HELZ: variants seen among roughly 807,000 people sequenced by gnomAD.
HELZ encodes helicase with zinc finger, also known as ATP-dependent RNA helicase with zinc finger domain.
In HELZ, 23 loss-of-function variants were observed where a neutral mutation model predicts 218.2. That is an observed-to-expected ratio of 0.11 (90% CI 0.08 to 0.15). The LOEUF (loss-of-function observed/expected upper bound fraction) is 0.15. Among genes scored for constraint, HELZ ranks in the 10% least tolerant of loss-of-function variants. The pLI, the probability that HELZ is intolerant of heterozygous loss-of-function variation, is 1.00. For missense variants in HELZ, 1,813 were observed against 2,353.7 expected (o/e 0.77, Z 4.75); for synonymous variants, 814 against 829.4 (o/e 0.98, Z 0.32).
intron 31 of HELZ, among the ~76,000 whole-genome samples, chr17:67,088,435 C>T (rs919464321): frequency 2.6e-5 from 4 of 152,184 alleles, no homozygotes; most frequent in Non-Finnish European, 5.9e-5. Context: ...CACAAGCAGA[C>T]ATTATCAAGC....
At chr17:67,190,483 G>A (rs996851237) in intron 9 of HELZ, 128 bp from the exon 10 acceptor site, 30 of 658,656 alleles carry the variant, frequency 4.6e-5, no homozygotes, top group South Asian at 4.2e-4. Flanking sequence ...CATATTTATC[G>A]TACTGTCTTG....
chr17:67,242,121 A>G (rs2041328225), intron 2 of HELZ, among the ~76,000 whole-genome samples: 1 of 152,250 alleles, frequency 6.6e-6, no homozygotes, highest in Non-Finnish European at 1.5e-5. Flanking sequence ...GTAGGCTTCA[A>G]GAAAAAAGAT....
chr17:67,199,210 CTTTTTTT>C (rs1156398239), intron 7 of HELZ, among the ~76,000 whole-genome samples: 2 of 122,982 alleles, frequency 1.6e-5, no homozygotes, highest in African/African-American at 3.0e-5. Context: ...TTTGCCATTA[CTTTTTTT>C]TTTTTTTTTT....
chr17:67,190,574 T>C (rs1456422544), intron 9 of HELZ, among the ~76,000 whole-genome samples: 1 of 152,216 alleles, frequency 6.6e-6, no homozygotes, highest in African/African-American at 2.4e-5. Context: ...TCACTGACTT[T>C]CTCTGGAATT....
At chr17:67,218,531 A>T in intron 4 of HELZ, 64 bp downstream of exon 4, 1 of 1,195,022 alleles carries the variant, frequency 8.4e-7, no homozygotes, top group Admixed American at 1.7e-5. Context: ...TTGTATCGTC[A>T]CCCCTCAATG....
chr17:67,173,018 G>A, intron 13 of HELZ: 1 of 978,394 alleles, frequency 1.0e-6, no homozygotes, highest in Non-Finnish European at 1.2e-6. Context: ...AGAGCAACAA[G>A]AGAATCCTCT....
chr17:67,132,913 C>G (rs2038030991), intron 23 of HELZ, among the ~76,000 whole-genome samples: 1 of 152,086 alleles, frequency 6.6e-6, no homozygotes, highest in South Asian at 2.1e-4. Flanking sequence ...GGAAAACAGT[C>G]CTAATGAACT....
At chr17:67,209,861 C>T (rs1378329328) in intron 5 of HELZ, among the ~76,000 whole-genome samples, 3 of 152,154 alleles carry the variant, frequency 2.0e-5, no homozygotes, top group African/African-American at 7.2e-5. Context: ...ATACTGTTAA[C>T]TCATTCACTA....
At chr17:67,086,631 AATATATATATATAT>A (rs71139116) in intron 32 of HELZ, among the ~76,000 whole-genome samples, 184 bp downstream of exon 32, 203 of 93,300 alleles carry the variant, frequency 2.2e-3, no homozygotes, top group South Asian at 8.5e-3. Flanking sequence ...TATAAATATA[AATATATATATATAT>A]ATATATATAT....
intron 5 of HELZ, among the ~76,000 whole-genome samples, chr17:67,203,871 A>G (rs2040231864): frequency 6.6e-6 from 1 of 152,250 alleles, no homozygotes; most frequent in South Asian, 2.1e-4. Flanking sequence ...CTAAGCAATT[A>G]AGAATTAGTC....
chr17:67,217,933 T>G (rs939966940), intron 4 of HELZ, among the ~76,000 whole-genome samples: 6 of 151,374 alleles, frequency 4.0e-5, no homozygotes, highest in South Asian at 2.1e-4. Context: ...TTTTGTTGTT[T>G]TTTTTTTTTT....
intron 3 of HELZ, among the ~76,000 whole-genome samples, chr17:67,232,168 G>C (rs1157850125): frequency 6.8e-6 from 1 of 147,878 alleles, no homozygotes; most frequent in African/African-American, 2.5e-5. Flanking sequence ...TTTCGAGATA[G>C]AGCCTCGCTC....
intron 13 of HELZ, 86 bp downstream of exon 13, chr17:67,178,573 C>T: frequency 9.0e-7 from 1 of 1,111,876 alleles, no homozygotes; most frequent in South Asian, 1.6e-5. Context: ...TACCTGTCTT[C>T]ACTTAGGCAC....
At chr17:67,241,947 A>AG (rs2041323628) in intron 2 of HELZ, among the ~76,000 whole-genome samples, 1 of 152,242 alleles carries the variant, frequency 6.6e-6, no homozygotes, top group Non-Finnish European at 1.5e-5. Context: ...AACACTTCAC[A>AG]GAGTCTACAT....
chr17:67,230,372 C>T (rs539153705), intron 3 of HELZ, among the ~76,000 whole-genome samples: 285 of 152,068 alleles, frequency 1.9e-3, no homozygotes, highest in African/African-American at 6.5e-3. Context: ...CCGAGGCAGG[C>T]GGATCACGAG....
chr17:67,080,673 C>T (rs1347728851), intron 32 of HELZ, among the ~76,000 whole-genome samples: 1 of 152,168 alleles, frequency 6.6e-6, no homozygotes, highest in Non-Finnish European at 1.5e-5. Flanking sequence ...GTAAACTTAT[C>T]ATTTTATTGT....
chr17:67,175,958 A>G (rs984145891), intron 13 of HELZ, among the ~76,000 whole-genome samples: 3 of 152,200 alleles, frequency 2.0e-5, no homozygotes, highest in African/African-American at 7.2e-5. Context: ...AAGTTCCTAT[A>G]AAAACACTCT....
At chr17:67,207,092 A>T (rs2040321176) in intron 5 of HELZ, among the ~76,000 whole-genome samples, 1 of 146,732 alleles carries the variant, frequency 6.8e-6, no homozygotes, top group African/African-American at 2.5e-5. Flanking sequence ...TTGTATTTTT[A>T]GTAGAGACGG....
chr17:67,179,174 C>G (rs190359998), intron 12 of HELZ, among the ~76,000 whole-genome samples: 12 of 152,004 alleles, frequency 7.9e-5, no homozygotes, highest in Non-Finnish European at 4.4e-5. Flanking sequence ...CTAGGACATA[C>G]TAGAAATTAA....
Sources: allele counts gnomAD v4.1 joint callset (sites outside exome capture counted in the v4.1 genomes callset), GRCh38; gene constraint gnomAD v4.1.1; transcripts MANE v1.5; gene names NCBI Gene and HGNC (gene_info 2026-07-23, HGNC 2026-07-21).